TMEM132D: variants seen among roughly 807,000 people sequenced by gnomAD.
TMEM132D encodes the protein transmembrane protein 132D.
TMEM132D carries 21 observed loss-of-function variants against 62.3 expected under a neutral mutation model. The ratio of observed to expected loss-of-function variants is 0.34; its 90% CI spans 0.24 to 0.49. The LOEUF (loss-of-function observed/expected upper bound fraction) is 0.49, where lower values mean the gene tolerates loss of function less well. Ranked by LOEUF, TMEM132D falls within the 20% of genes least tolerant of loss-of-function variation. TMEM132D has a pLI of 0.99. For synonymous variants in TMEM132D, 621 were observed against 575.6 expected (o/e 1.08, Z -1.13); for missense variants, 1,346 against 1,402.8 (o/e 0.96, Z 0.65).
chr12:129,661,190 T>C (rs531518542), intron 2 of TMEM132D, among the ~76,000 whole-genome samples: 1 of 152,182 alleles, frequency 6.6e-6, no homozygotes, highest in Admixed American at 6.5e-5. Context: ...CTCCCAACAG[T>C]GGCCATTTGC....
intron 1 of TMEM132D, among the ~76,000 whole-genome samples, chr12:129,899,034 C>T (rs905411900): frequency 2.0e-5 from 3 of 152,208 alleles, no homozygotes; most frequent in African/African-American, 7.2e-5. Context: ...CCTGTGTCCT[C>T]ACAACACTTA....
intron 3 of TMEM132D, among the ~76,000 whole-genome samples, chr12:129,457,258 A>C (rs551432127): frequency 5.2e-4 from 79 of 152,098 alleles, no homozygotes; most frequent in African/African-American, 1.0e-3. Context: ...TACTATGCAG[A>C]CATAAAAAAT....
intron 5 of TMEM132D, among the ~76,000 whole-genome samples, chr12:129,147,296 A>G (rs1490951404): frequency 1.3e-5 from 2 of 149,990 alleles, no homozygotes; most frequent in South Asian, 2.1e-4. Context: ...GTGCATATGT[A>G]TATATATACA....
intron 2 of TMEM132D, among the ~76,000 whole-genome samples, chr12:129,597,129 A>G (rs577584327): frequency 2.0e-4 from 30 of 152,300 alleles, no homozygotes; most frequent in Non-Finnish European, 3.5e-4. Context: ...CTGAGGGAAC[A>G]TGTTCAGTAC....
intron 2 of TMEM132D, among the ~76,000 whole-genome samples, chr12:129,540,314 G>A (rs1565653): frequency 0.2 from 29,815 of 151,946 alleles, 3,290 homozygotes; most frequent in Non-Finnish European, 0.24. Context: ...GTGCCAGTGC[G>A]ATGGACAGGG....
At chr12:129,787,887 C>T (rs1250378231) in intron 1 of TMEM132D, among the ~76,000 whole-genome samples, 4 of 152,158 alleles carry the variant, frequency 2.6e-5, no homozygotes, top group Non-Finnish European at 4.4e-5. Flanking sequence ...TGCTGCAGGA[C>T]AGAGGAGGGG....
At chr12:129,772,832 A>G (rs7954336) in intron 1 of TMEM132D, among the ~76,000 whole-genome samples, 8,694 of 152,330 alleles carry the variant, frequency 0.057, 831 homozygotes, top group African/African-American at 0.2. Flanking sequence ...GTGAGGGCGG[A>G]AGCTGCATTG....
chr12:129,796,205 A>T (rs1004394032), intron 1 of TMEM132D, among the ~76,000 whole-genome samples: 1 of 152,068 alleles, frequency 6.6e-6, no homozygotes, highest in African/African-American at 2.4e-5. Context: ...TGAATACTAA[A>T]ATTAAAGGAA....
chr12:129,143,282 G>C (rs1443729351), intron 5 of TMEM132D, among the ~76,000 whole-genome samples: 1 of 152,102 alleles, frequency 6.6e-6, no homozygotes, highest in Non-Finnish European at 1.5e-5. Context: ...ACATTTACCG[G>C]GATATTATAA....
chr12:129,378,667 C>G (rs1870852046), intron 3 of TMEM132D, among the ~76,000 whole-genome samples: 2 of 152,170 alleles, frequency 1.3e-5, no homozygotes, highest in East Asian at 1.9e-4. Flanking sequence ...AAGAGTGACG[C>G]TCCATTTTTC....
At chr12:129,552,687 T>C (rs996281001) in intron 2 of TMEM132D, among the ~76,000 whole-genome samples, 1 of 152,188 alleles carries the variant, frequency 6.6e-6, no homozygotes, top group Non-Finnish European at 1.5e-5. Flanking sequence ...ATCCACCTAG[T>C]ATTTATCTGT....
At chr12:129,367,012 G>T (rs1870436205) in intron 3 of TMEM132D, among the ~76,000 whole-genome samples, 1 of 152,192 alleles carries the variant, frequency 6.6e-6, no homozygotes, top group African/African-American at 2.4e-5. Context: ...CAGCCTCTGA[G>T]ACAACGAATG....
At chr12:129,535,777 C>T (rs12319033) in intron 2 of TMEM132D, among the ~76,000 whole-genome samples, 1,202 of 74,262 alleles carry the variant, frequency 0.016, 11 homozygotes, top group East Asian at 0.051. Context: ...GATTTGTGTG[C>T]GTGTGTGTGT....
At chr12:129,598,405 G>T (rs1407840009) in intron 2 of TMEM132D, among the ~76,000 whole-genome samples, 1 of 152,122 alleles carries the variant, frequency 6.6e-6, no homozygotes, top group Non-Finnish European at 1.5e-5. Flanking sequence ...ATTTTCTATG[G>T]AATGTCCACC....
At position 129,728,831 on chromosome 12, in the gene TMEM132D, G is replaced by T. The variant is rs540489300; in HGVS notation, c.80-28133C>A. Among the ~76,000 whole-genome samples the T allele has an allele frequency of 2.6e-5, 4 of 152,236 alleles. No homozygotes were observed. In the East Asian group the frequency reaches 7.7e-4, roughly 29 times the overall value. On this transcript the variant is annotated intron_variant, in intron 1 of 8. Transcript: ENST00000422113. ...ACTCAGTGCTTCGGAAGAAACCAAG[G>T]TAGATTGTGGCAGCCCCTCATGTCT...
At chr12:129,337,276 G>A (rs918941442) in intron 4 of TMEM132D, among the ~76,000 whole-genome samples, 4 of 152,070 alleles carry the variant, frequency 2.6e-5, no homozygotes, top group Non-Finnish European at 5.9e-5. Context: ...GTGTGTGTTC[G>A]AGATCCACAG....
intron 2 of TMEM132D, among the ~76,000 whole-genome samples, chr12:129,574,410 T>C (rs929880952): frequency 2.0e-5 from 3 of 151,932 alleles, no homozygotes; most frequent in Admixed American, 6.6e-5. Context: ...TTTGGGAATA[T>C]TAAAACCCTA....
chr12:129,544,737 A>G (rs73435669), intron 2 of TMEM132D, among the ~76,000 whole-genome samples: 1 of 152,158 alleles, frequency 6.6e-6, no homozygotes, highest in African/African-American at 2.4e-5. Flanking sequence ...AAGAGAAAGA[A>G]AAAATAAAAA....
rs1236175217 is a variant in TMEM132D at position 129,120,015 on chromosome 12, G to A, written c.1444-35313C>T. Among the ~76,000 whole-genome samples the A allele has an allele frequency of 9.2e-5, 14 of 152,152 alleles. No homozygotes were observed. The East Asian group carries it at 2.7e-3, about 29-fold the overall frequency. On this transcript the variant is annotated intron_variant, in intron 5 of 8. Coordinates refer to ENST00000422113, the MANE Select transcript of TMEM132D (RefSeq NM_133448.3). Reference sequence around the variant, plus strand: ...GGTATGTAGGAAGAGGAAAAATAAAGGGCAAGAGCAGAGAAATAATAAAAA... The same window carrying A: ...GGTATGTAGGAAGAGGAAAAATAAAAGGCAAGAGCAGAGAAATAATAAAAA...
Sources: gnomAD v4.1 joint callset for allele counts (sites outside exome capture counted in the v4.1 genomes callset) on GRCh38, gnomAD v4.1.1 for gene constraint, MANE v1.5 for transcripts, NCBI Gene and HGNC (gene_info 2026-07-23, HGNC 2026-07-21) for gene names.